EMSY: variants seen among roughly 807,000 people sequenced by gnomAD.
EMSY encodes the protein BRCA2-interacting transcriptional repressor EMSY.
In EMSY, 26 loss-of-function variants were observed where a neutral mutation model predicts 134.6. The observed-to-expected ratio is 0.19, with a 90% CI of 0.14 to 0.27. The LOEUF (loss-of-function observed/expected upper bound fraction) is 0.27. Ranked by LOEUF, EMSY falls within the 10% of genes least tolerant of loss-of-function variation. The pLI is 1.00. For synonymous variants in EMSY, 579 were observed against 577.8 expected, an observed-to-expected ratio of 1.00 and a Z score of -0.03; for missense variants, 1,305 against 1,611.4, an observed-to-expected ratio of 0.81 and a Z score of 3.26.
intron 16 of EMSY, 40 bp from the exon 18 acceptor site, chr11:76,539,559 A>G: frequency 6.2e-7 from 1 of 1,603,548 alleles, no homozygotes; most frequent in Middle Eastern, 1.7e-4. Flanking sequence ...TGGTGAACAG[A>G]TGAAAAGACT....
chr11:76,472,786 G>A (rs1418045355), exon 8 of EMSY: 1 of 1,613,968 alleles, frequency 6.2e-7, no homozygotes, highest in Non-Finnish European at 8.5e-7. Flanking sequence ...TACAGTTGCA[G>A]TAACAGCTGT....
chr11:76,522,455 C>T (rs1217723146), intron 11 of EMSY, among the ~76,000 whole-genome samples: 5 of 147,158 alleles, frequency 3.4e-5, no homozygotes, highest in African/African-American at 1.0e-4. Flanking sequence ...GCAACCTCCA[C>T]CTCCCGGGTT....
At chr11:76,531,794 A>G (rs1350498396) in intron 14 of EMSY, among the ~76,000 whole-genome samples, 6 of 152,188 alleles carry the variant, frequency 3.9e-5, no homozygotes, top group South Asian at 2.1e-4. Flanking sequence ...GCATTCCACT[A>G]TAAGGAAAAA....
intron 8 of EMSY, among the ~76,000 whole-genome samples, chr11:76,494,615 T>TTGCC (rs150587347): frequency 0.24 from 32,862 of 136,478 alleles, 5,389 homozygotes; most frequent in Non-Finnish European, 0.29. Context: ...TCTGACTACC[T>TTGCC]TGCCTGCCTG....
intron 9 of EMSY, among the ~76,000 whole-genome samples, chr11:76,506,451 A>G (rs909510198): frequency 6.6e-6 from 1 of 152,240 alleles, no homozygotes; most frequent in Non-Finnish European, 1.5e-5. Context: ...AAAGACAAAT[A>G]AACTGGAAAA....
At chr11:76,546,613 A>G (rs1274753845) in intron 20 of EMSY, among the ~76,000 whole-genome samples, 1 of 152,192 alleles carries the variant, frequency 6.6e-6, no homozygotes, top group South Asian at 2.1e-4. Flanking sequence ...CATTAAGTCA[A>G]CCCAGAAGAT....
intron 9 of EMSY, among the ~76,000 whole-genome samples, chr11:76,502,368 A>G (rs1251547975): frequency 1.4e-5 from 2 of 143,652 alleles, no homozygotes; most frequent in African/African-American, 5.1e-5. Context: ...ATGATCCTTT[A>G]TATTATTTTT....
At chr11:76,489,750 G>A (rs1257458765) in intron 8 of EMSY, among the ~76,000 whole-genome samples, 1 of 151,810 alleles carries the variant, frequency 6.6e-6, no homozygotes, top group East Asian at 1.9e-4. Flanking sequence ...GATTATGGGC[G>A]TGCACCACCA....
chr11:76,450,990 T>G (rs891832168), intron 2 of EMSY, among the ~76,000 whole-genome samples: 1 of 151,520 alleles, frequency 6.6e-6, no homozygotes, highest in Non-Finnish European at 1.5e-5. Flanking sequence ...ACAGCCAGAG[T>G]TTTGCCATGT....
In EMSY at chr11:76,453,694, T is replaced by G. The variant is rs1188471392; in HGVS notation, c.245+306T>G. On this transcript the variant is annotated intron_variant, in intron 4 of 20. Transcript: ENST00000334736. ...CTTGAGGCCAAGTTCAGTAACAAAG[T>G]ATTGTGACCCCTAAAATTGAAAGCC... is the stretch of plus-strand genomic sequence containing the variant. 1.5e-5 allele frequency: 3 copies of G among 205,788 alleles called. No homozygotes were observed. In the South Asian group the frequency reaches 3.6e-4, roughly 25 times the overall value. The allele number at this position is 205,788 out of a possible 1,614,324, so 12.7% of individuals were successfully genotyped here.
intron 8 of EMSY, among the ~76,000 whole-genome samples, chr11:76,485,310 A>G (rs1432726018): frequency 1.3e-5 from 2 of 152,230 alleles, no homozygotes; most frequent in Non-Finnish European, 2.9e-5. Context: ...AAATCCTGGG[A>G]AACTGAATCC....
At chr11:76,514,518 C>T (rs1950380567) in intron 10 of EMSY, among the ~76,000 whole-genome samples, 1 of 152,034 alleles carries the variant, frequency 6.6e-6, no homozygotes, top group African/African-American at 2.4e-5. Context: ...GTCATGTAGC[C>T]AAAAAGAGGC....
intron 17 of EMSY, among the ~76,000 whole-genome samples, chr11:76,541,766 G>C (rs533026375): frequency 6.6e-6 from 1 of 152,310 alleles, no homozygotes; most frequent in South Asian, 2.1e-4. Context: ...GTCGAACTGA[G>C]ACCAAGAGAT....
chr11:76,544,335 A>T (rs749039015), exon 19 of EMSY: 3 of 1,614,178 alleles, frequency 1.9e-6, no homozygotes, highest in Non-Finnish European at 2.5e-6. Context: ...GAAGAGATGG[A>T]CACTTTAGAC....
intron 14 of EMSY, among the ~76,000 whole-genome samples, chr11:76,532,603 C>T (rs1236603445): frequency 6.6e-6 from 1 of 151,962 alleles, no homozygotes; most frequent in Non-Finnish European, 1.5e-5. Context: ...GAATGGGTTC[C>T]AGATTTTTTT....
chr11:76,460,175 T>C lies in EMSY; in HGVS notation c.571+90T>C, dbSNP rs1025455508. ...AGACCTGCCTTCCTGGATTAAATCA[T>C]TGGTCCACTAGCTGTTAGTAGGTTA... On this transcript the variant is annotated intron_variant, in intron 6 of 20. Transcript: ENST00000334736. 4.2e-6 allele frequency: 6 copies of C among 1,438,720 alleles called. No individual in the cohort carries two copies. In the African/African-American group the frequency reaches 8.5e-5, roughly 20 times the overall value. The allele number at this position is 1,438,720 out of a possible 1,614,324, so 89.1% of individuals were successfully genotyped here.
intron 12 of EMSY, among the ~76,000 whole-genome samples, chr11:76,524,699 G>A (rs1950781614): frequency 6.6e-6 from 1 of 152,170 alleles, no homozygotes; most frequent in Non-Finnish European, 1.5e-5. Context: ...GACACAGGCA[G>A]CTCTAGTAAA....
chr11:76,490,190 T>C (rs911934693), intron 8 of EMSY, among the ~76,000 whole-genome samples: 1 of 152,084 alleles, frequency 6.6e-6, no homozygotes, highest in African/African-American at 2.4e-5. Context: ...TTGATTTTTT[T>C]TTTAAGGATT....
chr11:76,475,699 A>G (rs1948745393), intron 8 of EMSY, among the ~76,000 whole-genome samples: 1 of 152,202 alleles, frequency 6.6e-6, no homozygotes. Context: ...TTTTTTAAAC[A>G]AGGTAAATAT....
Sources: gnomAD v4.1 joint callset for allele counts (sites outside exome capture counted in the v4.1 genomes callset) on GRCh38, gnomAD v4.1.1 for gene constraint, MANE v1.5 for transcripts, NCBI Gene and HGNC (gene_info 2026-07-23, HGNC 2026-07-21) for gene names.